The following PDE4D variants were observed in gnomAD, a reference collection of about 807,000 sequenced individuals.
PDE4D encodes the protein 3',5'-cyclic-AMP phosphodiesterase 4D.
PDE4D carries 24 observed loss-of-function variants against 87.4 expected under a neutral mutation model. The observed-to-expected ratio is 0.27, with a 90% CI of 0.20 to 0.39. The LOEUF (loss-of-function observed/expected upper bound fraction) is 0.39. Ranked by LOEUF, PDE4D falls within the 10% of genes least tolerant of loss-of-function variation. PDE4D has a pLI of 1.00. For synonymous variants in PDE4D, 384 were observed against 383.2 expected (o/e 1.00, Z -0.02); for missense variants, 714 against 1,041.0 (o/e 0.69, Z 4.32).
At chr5:60,309,475 T>C (rs1046844776) in intron 1 of PDE4D, among the ~76,000 whole-genome samples, 2 of 152,156 alleles carry the variant, frequency 1.3e-5, no homozygotes, top group African/African-American at 2.4e-5. Flanking sequence ...ATATTTGAAA[T>C]AGGTAATCCT....
intron 3 of PDE4D, among the ~76,000 whole-genome samples, chr5:59,963,619 T>C (rs967385974): frequency 6.6e-6 from 1 of 152,180 alleles, no homozygotes; most frequent in Non-Finnish European, 1.5e-5. Context: ...GCAAGATCTA[T>C]TGTGAAAATA....
At chr5:59,569,449 A>G (rs536854871) in intron 1 of PDE4D, among the ~76,000 whole-genome samples, 10 of 152,326 alleles carry the variant, frequency 6.6e-5, no homozygotes, top group African/African-American at 2.4e-4. Context: ...TACGACATAT[A>G]AAGTTTTACA....
At chr5:59,279,183 A>G (rs1765365161) in intron 1 of PDE4D, among the ~76,000 whole-genome samples, 1 of 152,106 alleles carries the variant, frequency 6.6e-6, no homozygotes, top group African/African-American at 2.4e-5. Flanking sequence ...TATCAACTAA[A>G]TATTCAGGCC....
chr5:59,690,466 G>C (rs1467040444), intron 1 of PDE4D, among the ~76,000 whole-genome samples: 1 of 152,094 alleles, frequency 6.6e-6, no homozygotes, highest in Non-Finnish European at 1.5e-5. Flanking sequence ...TAAGAAATGG[G>C]GAAAGGATTC....
chr5:59,479,526 T>C (rs555512207), intron 1 of PDE4D, among the ~76,000 whole-genome samples: 1 of 152,194 alleles, frequency 6.6e-6, no homozygotes, highest in Non-Finnish European at 1.5e-5. Flanking sequence ...TTGCCTTGAG[T>C]CTGCATATTT....
At chr5:59,494,477 CA>C (rs1389404865) in intron 1 of PDE4D, among the ~76,000 whole-genome samples, 1 of 152,012 alleles carries the variant, frequency 6.6e-6, no homozygotes, top group Non-Finnish European at 1.5e-5. Flanking sequence ...AACAAACAAA[CA>C]AACAAAAAAC....
chr5:59,355,920 CA>C (rs1248183886), intron 1 of PDE4D, among the ~76,000 whole-genome samples: 2 of 152,104 alleles, frequency 1.3e-5, no homozygotes, highest in Non-Finnish European at 2.9e-5. Context: ...TGGCAGCTTC[CA>C]GATGTGCTGC....
intron 1 of PDE4D, among the ~76,000 whole-genome samples, chr5:59,752,602 C>T (rs1378195145): frequency 6.6e-6 from 1 of 152,096 alleles, no homozygotes; most frequent in Admixed American, 6.6e-5. Flanking sequence ...CCCTCGTCCC[C>T]TACAAGGGAA....
chr5:60,464,241 G>T (rs982733042), intron 1 of PDE4D, among the ~76,000 whole-genome samples: 9 of 152,150 alleles, frequency 5.9e-5, no homozygotes, highest in Non-Finnish European at 1.0e-4. Context: ...GAATATGGAT[G>T]GGAGAAAATT....
chr5:60,233,764 A>G (rs573311021), intron 1 of PDE4D, among the ~76,000 whole-genome samples: 1 of 151,900 alleles, frequency 6.6e-6, no homozygotes, highest in South Asian at 2.1e-4. Flanking sequence ...TAAAGATGAC[A>G]CCATGATAAA....
Position 60,092,640 on chromosome 5 carries a change from A to C in PDE4D, c.42+92917T>G, listed in dbSNP as rs193031170. Among the ~76,000 whole-genome samples the C allele has an allele frequency of 9.3e-3, 1,413 of 152,266 alleles. 17 individuals are homozygous for C. The highest frequency in any genetic ancestry group is 0.012 in the Non-Finnish European group (831 of 68,022). ...TTAGGACTTCTGCACGCTAAAAAAA[A>C]AAAACACTCTGAACACTCTTAGAAG... On this transcript the variant is annotated intron_variant, in intron 2 of 16. Transcript: ENST00000502484.
intron 5 of PDE4D, among the ~76,000 whole-genome samples, chr5:59,143,003 T>C (rs1252130803): frequency 6.6e-6 from 1 of 152,160 alleles, no homozygotes; most frequent in Non-Finnish European, 1.5e-5. Flanking sequence ...TCATGAAAAA[T>C]AACTGTATTT....
chr5:59,605,544 C>T (rs564344486), intron 1 of PDE4D, among the ~76,000 whole-genome samples: 15 of 152,000 alleles, frequency 9.9e-5, no homozygotes, highest in African/African-American at 3.6e-4. Flanking sequence ...GTAGAAAGCA[C>T]CGTTATTATA....
In PDE4D at chr5:59,024,430, C is replaced by T. The variant is rs115283990; in HGVS notation, c.921+14429G>A. On this transcript the variant is annotated intron_variant, in intron 6 of 14. Coordinates refer to ENST00000340635, the MANE Select transcript of PDE4D (RefSeq NM_001104631.2). ...GGCCAGCTAGTCTCTAACTCCTGACCGCGTGATCTGCTCTCCTCTGCCTCC... is the reference window on the plus strand; with the variant it reads ...GGCCAGCTAGTCTCTAACTCCTGACTGCGTGATCTGCTCTCCTCTGCCTCC... 9.0e-3 allele frequency among the ~76,000 whole-genome samples: 1,375 copies of T among 152,054 alleles called. 25 individuals are homozygous for T. Among genetic ancestry groups the T allele is most frequent in the African/African-American group, 0.032 (1,341 of 41,472 alleles).
At chr5:60,398,862 G>C (rs1189552379) in intron 1 of PDE4D, among the ~76,000 whole-genome samples, 1 of 152,038 alleles carries the variant, frequency 6.6e-6, no homozygotes, top group Admixed American at 6.5e-5. Context: ...TGTGCCCCAA[G>C]TCACACAGCT....
At chr5:59,348,926 A>AT (rs150972508) in intron 1 of PDE4D, among the ~76,000 whole-genome samples, 7,750 of 151,888 alleles carry the variant, frequency 0.051, 284 homozygotes, top group South Asian at 0.15. Flanking sequence ...TAAAATATAT[A>AT]TTTTTTAAGC....
At chr5:60,450,456 G>A (rs1435215332) in intron 1 of PDE4D, among the ~76,000 whole-genome samples, 2 of 152,082 alleles carry the variant, frequency 1.3e-5, no homozygotes, top group South Asian at 2.1e-4. Flanking sequence ...AAAAATAGGG[G>A]TTAGTTGTTT....
At chr5:60,089,815 T>A (rs758423614) in intron 2 of PDE4D, among the ~76,000 whole-genome samples, 1 of 139,572 alleles carries the variant, frequency 7.2e-6, no homozygotes, top group South Asian at 2.3e-4. Flanking sequence ...AAAAATAAAG[T>A]CAGAGATGAA....
chr5:59,223,307 T>C (rs1752970835), intron 1 of PDE4D, among the ~76,000 whole-genome samples: 1 of 152,168 alleles, frequency 6.6e-6, no homozygotes, highest in Non-Finnish European at 1.5e-5. Flanking sequence ...TCCAGCTGAA[T>C]ATAATGAGCA....
Sources: gnomAD v4.1 joint callset for allele counts (sites outside exome capture counted in the v4.1 genomes callset) on GRCh38, gnomAD v4.1.1 for gene constraint, MANE v1.5 for transcripts, NCBI Gene and HGNC (gene_info 2026-07-23, HGNC 2026-07-21) for gene names.